The following CNTN5 variants were observed in gnomAD, a reference collection of about 807,000 sequenced individuals.
CNTN5 encodes contactin 5, also known as contactin-5.
A neutral mutation model predicts 129.1 loss-of-function variants in CNTN5; 77 were observed. The ratio of observed to expected loss-of-function variants is 0.60; its 90% CI spans 0.50 to 0.72. CNTN5 has a LOEUF of 0.72. Ranked by LOEUF, CNTN5 falls within the 30% of genes least tolerant of loss-of-function variation. The pLI, the probability that CNTN5 is intolerant of heterozygous loss-of-function variation, is 0.00. For missense variants in CNTN5, 1,478 were observed against 1,328.8 expected (o/e 1.11, Z -1.75); for synonymous variants, 509 against 465.6 (o/e 1.09, Z -1.20).
intron 3 of CNTN5, among the ~76,000 whole-genome samples, chr11:99,707,280 G>T (rs1396626028): frequency 1.3e-5 from 2 of 151,296 alleles, no homozygotes; most frequent in African/African-American, 4.8e-5. Context: ...ATGTCATAAA[G>T]GCCAAAGTGT....
intron 3 of CNTN5, among the ~76,000 whole-genome samples, chr11:99,575,150 CA>C (rs1207204490): frequency 6.6e-6 from 1 of 152,156 alleles, no homozygotes; most frequent in Non-Finnish European, 1.5e-5. Flanking sequence ...TTGGGAACAA[CA>C]GACCTTAAGT....
At chr11:100,187,921 C>CA (rs1948351169) in intron 13 of CNTN5, among the ~76,000 whole-genome samples, 1 of 152,016 alleles carries the variant, frequency 6.6e-6, no homozygotes, top group African/African-American at 2.4e-5. Context: ...GTAACCACAG[C>CA]AAAAAACATT....
chr11:99,638,085 A>G (rs1320098798), intron 3 of CNTN5, among the ~76,000 whole-genome samples: 1 of 152,142 alleles, frequency 6.6e-6, no homozygotes, highest in Admixed American at 6.6e-5. Context: ...TGAGAAACAA[A>G]CAAAGGTTTA....
intron 23 of CNTN5, among the ~76,000 whole-genome samples, chr11:100,347,276 T>C (rs1441125454): frequency 3.3e-5 from 5 of 152,106 alleles, no homozygotes. Flanking sequence ...TCTAGCTTCT[T>C]GGGAACTGTA....
intron 13 of CNTN5, among the ~76,000 whole-genome samples, chr11:100,190,895 A>G (rs75548716): frequency 0.015 from 2,301 of 152,188 alleles, 60 homozygotes; most frequent in African/African-American, 0.052. Context: ...AAAAATGTCA[A>G]AAGAAAAATA....
intron 1 of CNTN5, among the ~76,000 whole-genome samples, chr11:99,194,261 T>G (rs1363087241): frequency 6.6e-6 from 1 of 152,104 alleles, no homozygotes; most frequent in Non-Finnish European, 1.5e-5. Context: ...TTAATAGGAG[T>G]TCTGAAGAGG....
chr11:99,168,644 T>C (rs117097082), intron 1 of CNTN5, among the ~76,000 whole-genome samples: 1,601 of 151,706 alleles, frequency 0.011, 18 homozygotes, highest in Middle Eastern at 0.034. Flanking sequence ...ATTCTGAATA[T>C]ATCGTAACTA....
At chr11:99,464,887 T>C (rs1028653723) in intron 2 of CNTN5, among the ~76,000 whole-genome samples, 27 of 152,178 alleles carry the variant, frequency 1.8e-4, no homozygotes, top group Non-Finnish European at 1.6e-4. Flanking sequence ...TCACAACTTG[T>C]GGGTAACAAC....
chr11:99,757,003 C>G (rs1944426138), intron 3 of CNTN5, among the ~76,000 whole-genome samples: 2 of 150,792 alleles, frequency 1.3e-5, no homozygotes, highest in Middle Eastern at 3.4e-3. Flanking sequence ...ATACATGTGT[C>G]ATATATATCA....
At chr11:99,784,426 G>T (rs1186364276) in intron 3 of CNTN5, among the ~76,000 whole-genome samples, 1 of 151,842 alleles carries the variant, frequency 6.6e-6, no homozygotes, top group African/African-American at 2.4e-5. Context: ...GTGTTAATTT[G>T]CTGAGAATGA....
chr11:99,834,360 T>G (rs969532145), intron 4 of CNTN5, among the ~76,000 whole-genome samples: 1 of 152,124 alleles, frequency 6.6e-6, no homozygotes, highest in Non-Finnish European at 1.5e-5. Flanking sequence ...GAAAATTTAT[T>G]GAATTAAATA....
chr11:99,089,008 G>T (rs1320098720), intron 1 of CNTN5, among the ~76,000 whole-genome samples: 5 of 152,010 alleles, frequency 3.3e-5, no homozygotes, highest in African/African-American at 1.2e-4. Flanking sequence ...AAAATATTTG[G>T]TTGAGAGAAT....
At chr11:99,756,616 G>T (rs1944411920) in intron 3 of CNTN5, among the ~76,000 whole-genome samples, 1 of 152,000 alleles carries the variant, frequency 6.6e-6, no homozygotes, top group Non-Finnish European at 1.5e-5. Context: ...ACTTGCTGTG[G>T]TAAGATCTTT....
chr11:99,926,946 A>G (rs1950076225), intron 7 of CNTN5, among the ~76,000 whole-genome samples: 1 of 152,192 alleles, frequency 6.6e-6, no homozygotes, highest in African/African-American at 2.4e-5. Flanking sequence ...CATTTTATAA[A>G]TAACTTATGC....
At chr11:99,783,958 T>C (rs1287576164) in intron 3 of CNTN5, among the ~76,000 whole-genome samples, 2 of 151,618 alleles carry the variant, frequency 1.3e-5, no homozygotes, top group African/African-American at 4.8e-5. Flanking sequence ...TACCCTAAAA[T>C]GTAAAGTATA....
intron 3 of CNTN5, among the ~76,000 whole-genome samples, chr11:99,667,308 T>A (rs33948543): frequency 0.61 from 92,941 of 151,476 alleles, 29,459 homozygotes; most frequent in Non-Finnish European, 0.7. Context: ...TAATAAATTT[T>A]GTAAATAGCT....
chr11:100,189,721 A>G (rs188800259), intron 13 of CNTN5, among the ~76,000 whole-genome samples: 112 of 152,242 alleles, frequency 7.4e-4, no homozygotes, highest in Admixed American at 2.9e-3. Flanking sequence ...TATATAATGA[A>G]TAGAACTTTT....
At chr11:99,267,918 A>C (rs1316464930) in intron 1 of CNTN5, among the ~76,000 whole-genome samples, 1 of 117,134 alleles carries the variant, frequency 8.5e-6, no homozygotes, top group South Asian at 2.8e-4. Context: ...ACACACACAC[A>C]CGCACACACA....
At chr11:99,397,934 G>C (rs1406309902) in intron 2 of CNTN5, among the ~76,000 whole-genome samples, 1 of 151,832 alleles carries the variant, frequency 6.6e-6, no homozygotes, top group Non-Finnish European at 1.5e-5. Context: ...GTATACTACT[G>C]TGTGTGTATA....
Sources: gnomAD v4.1 joint callset for allele counts (sites outside exome capture counted in the v4.1 genomes callset) on GRCh38, gnomAD v4.1.1 for gene constraint, MANE v1.5 for transcripts, NCBI Gene and HGNC (gene_info 2026-07-23, HGNC 2026-07-21) for gene names.